WDR7: variants seen among roughly 807,000 people sequenced by gnomAD.
WDR7 encodes the protein WD repeat-containing protein 7.
Under a neutral mutation model 169.4 loss-of-function variants are expected in WDR7, and 46 were observed. The ratio of observed to expected loss-of-function variants is 0.27; its 90% CI spans 0.21 to 0.35. The LOEUF (loss-of-function observed/expected upper bound fraction) is 0.35, where lower values mean the gene tolerates loss of function less well. Ranked by LOEUF, WDR7 falls within the 10% of genes least tolerant of loss-of-function variation. The pLI is 1.00. For missense variants in WDR7, 1,534 were observed against 1,859.3 expected (o/e 0.83, Z 3.22); for synonymous variants, 612 against 666.8 (o/e 0.92, Z 1.27).
chr18:56,726,860 C>A (rs1372706980), intron 13 of WDR7, among the ~76,000 whole-genome samples: 1 of 152,098 alleles, frequency 6.6e-6, no homozygotes, highest in African/African-American at 2.4e-5. Context: ...ACAATCCTGT[C>A]TGAGTCCTGG....
chr18:56,725,831 A>G (rs1392415741), intron 13 of WDR7, among the ~76,000 whole-genome samples: 3 of 152,142 alleles, frequency 2.0e-5, no homozygotes, highest in Admixed American at 6.5e-5. Flanking sequence ...TAATTTTTGT[A>G]TAAGGTATAA....
At chr18:56,682,948 G>T in intron 5 of WDR7, 95 bp downstream of exon 5, 1 of 1,302,588 alleles carries the variant, frequency 7.7e-7, no homozygotes, top group Non-Finnish European at 1.1e-6. Flanking sequence ...AATACTTTGG[G>T]ATATATTCTT....
Position 57,027,461 on chromosome 18 carries a change from G to A in WDR7, c.*254G>A, listed in dbSNP as rs986209623. ...GTCACCAGGTAGTTTTTCCCTGCCA[G>A]AGATGGCAGGGGAAAGCCAGTGGTT... On this transcript the variant is annotated 3_prime_UTR_variant, in exon 28 of 28. Transcript: ENST00000254442. 40 of 520,874 alleles carry A rather than the reference G, an allele frequency of 7.7e-5. No homozygotes were observed. The highest frequency in any genetic ancestry group is 5.0e-4 in the Middle Eastern group (1 of 2,006). The allele number at this position is 520,874 out of a possible 1,614,324, so 32.3% of individuals were successfully genotyped here. A position where few individuals can be genotyped will look rare whatever the true frequency, so the allele number is the denominator to read the frequency against.
At chr18:56,834,447 G>A (rs993056710) in intron 20 of WDR7, among the ~76,000 whole-genome samples, 3 of 151,800 alleles carry the variant, frequency 2.0e-5, no homozygotes, top group Admixed American at 6.6e-5. Context: ...TTGCAATTTC[G>A]TTCCTTCCAT....
intron 25 of WDR7, among the ~76,000 whole-genome samples, chr18:56,959,489 G>A (rs1022073481): frequency 2.0e-5 from 3 of 152,080 alleles, no homozygotes; most frequent in African/African-American, 7.2e-5. Flanking sequence ...CAGTTTCCTT[G>A]TGGTCTGCCT....
In WDR7 at chr18:57,015,483, A is replaced by G. The variant is rs17090478; in HGVS notation, c.4165-5262A>G. On this transcript the variant is annotated intron_variant, in intron 26 of 27. Transcript: ENST00000254442. ...GGAACATAATTAATTCTTAACTTTTAAACTCTTTTGAAATGGCTCTTTTTT... is the reference window on the plus strand; with the variant it reads ...GGAACATAATTAATTCTTAACTTTTGAACTCTTTTGAAATGGCTCTTTTTT... Among the ~76,000 whole-genome samples, 1,252 of 152,304 alleles carry G rather than the reference A, an allele frequency of 8.2e-3. 16 individuals are homozygous for G. The highest frequency in any genetic ancestry group is 0.029 in the African/African-American group (1,191 of 41,552).
Position 56,781,443 on chromosome 18 carries a change from C to T in WDR7, c.3067-90C>T. The T allele has an allele frequency of 3.8e-6, 5 of 1,312,964 alleles. No individual in the cohort carries two copies. In the East Asian group the frequency reaches 1.1e-4, roughly 29 times the overall value. The allele number at this position is 1,312,964 out of a possible 1,614,324, so 81.3% of individuals were successfully genotyped here. On this transcript the variant is annotated intron_variant, in intron 18 of 27. Coordinates refer to ENST00000254442, the MANE Select transcript of WDR7 (RefSeq NM_015285.3). ...TAAATATGGTTTTTATGTTTTCTAG[C>T]CTTATTTCATTATAAATTTTCTAGT...
At chr18:56,842,999 C>T (rs1447042167) in intron 20 of WDR7, among the ~76,000 whole-genome samples, 2 of 152,002 alleles carry the variant, frequency 1.3e-5, no homozygotes, top group Non-Finnish European at 2.9e-5. Context: ...TGCTGTAAGA[C>T]TATTAATTTT....
intron 26 of WDR7, among the ~76,000 whole-genome samples, chr18:56,977,403 C>G (rs575692267): frequency 1.3e-4 from 20 of 152,282 alleles, no homozygotes; most frequent in Admixed American, 3.9e-4. Context: ...CGGCTCTGAT[C>G]CATTCTGGCA....
chr18:57,003,252 T>G (rs2048008268), intron 26 of WDR7, among the ~76,000 whole-genome samples: 1 of 152,118 alleles, frequency 6.6e-6, no homozygotes, highest in Non-Finnish European at 1.5e-5. Flanking sequence ...TAAAGAACTT[T>G]TATAAATCTA....
chr18:56,897,361 TC>T (rs2046344365), intron 21 of WDR7, among the ~76,000 whole-genome samples: 1 of 150,984 alleles, frequency 6.6e-6, no homozygotes, highest in African/African-American at 2.4e-5. Context: ...AAAATTGGAA[TC>T]AGCGCATGTG....
intron 20 of WDR7, among the ~76,000 whole-genome samples, chr18:56,847,396 A>T (rs747196093): frequency 1.3e-5 from 2 of 152,224 alleles, no homozygotes; most frequent in Non-Finnish European, 2.9e-5. Flanking sequence ...GTTGGAACTT[A>T]TTTAAAAGGA....
chr18:56,825,554 T>C (rs1200938071), intron 20 of WDR7, among the ~76,000 whole-genome samples: 1 of 152,160 alleles, frequency 6.6e-6, no homozygotes, highest in African/African-American at 2.4e-5. Flanking sequence ...AAGCCACAGA[T>C]AGGAAATGAC....
At chr18:56,669,987 A>C (rs1240967962) in intron 1 of WDR7, among the ~76,000 whole-genome samples, 1 of 152,166 alleles carries the variant, frequency 6.6e-6, no homozygotes, top group Non-Finnish European at 1.5e-5. Context: ...CCCCTTAAAA[A>C]ACTTCCTTGT....
chr18:56,659,766 A>G (rs1180750841), intron 1 of WDR7, among the ~76,000 whole-genome samples: 3 of 152,188 alleles, frequency 2.0e-5, no homozygotes, highest in Admixed American at 6.5e-5. Flanking sequence ...CACCTCACTC[A>G]TATAGGATAG....
intron 21 of WDR7, among the ~76,000 whole-genome samples, chr18:56,894,467 T>A (rs1008994140): frequency 6.6e-6 from 1 of 152,014 alleles, no homozygotes; most frequent in African/African-American, 2.4e-5. Flanking sequence ...CTTGGTTAAC[T>A]CCTTCACTTC....
At chr18:56,722,100 G>T (rs552026871) in intron 13 of WDR7, among the ~76,000 whole-genome samples, 3 of 152,216 alleles carry the variant, frequency 2.0e-5, no homozygotes, top group East Asian at 3.9e-4. Flanking sequence ...AAATCTAGCA[G>T]GGAATTATGA....
In WDR7 at chr18:57,026,988, T is replaced by C. The variant is rs752997644; in HGVS notation, c.4270-16T>C. ...AGGGCTGTTCAAGTGACACATGTGC[T>C]CTCCTGTCCCTCCAGATGAACACGT... On this transcript the variant is annotated splice_polypyrimidine_tract_variant and intron_variant, in intron 27 of 27. Coordinates refer to ENST00000254442, the MANE Select transcript of WDR7 (RefSeq NM_015285.3). The C allele has an allele frequency of 1.2e-6, 2 of 1,610,130 alleles. No individual in the cohort carries two copies. Among genetic ancestry groups the C allele is most frequent in the South Asian group, 2.2e-5 (2 of 90,658 alleles).
intron 22 of WDR7, among the ~76,000 whole-genome samples, chr18:56,925,901 G>C (rs1178093006): frequency 6.6e-6 from 1 of 152,078 alleles, no homozygotes; most frequent in Non-Finnish European, 1.5e-5. Context: ...TTACCTCTCT[G>C]TATCTACAAG....
Sources: allele counts gnomAD v4.1 joint callset (sites outside exome capture counted in the v4.1 genomes callset), GRCh38; gene constraint gnomAD v4.1.1; transcripts MANE v1.5; gene names NCBI Gene and HGNC (gene_info 2026-07-23, HGNC 2026-07-21).